CHEK2: variants seen among roughly 807,000 people sequenced by gnomAD.
CHEK2 encodes the protein checkpoint kinase 2, also known as serine/threonine-protein kinase Chk2.
In CHEK2, 71 loss-of-function variants were observed where a neutral mutation model predicts 69.1. The ratio of observed to expected loss-of-function variants is 1.03; its 90% CI spans 0.85 to 1.25. The LOEUF (loss-of-function observed/expected upper bound fraction) is 1.25. Among genes scored for constraint, CHEK2 ranks in the 50% most tolerant of loss-of-function variants. CHEK2 has a pLI of 0.00. For synonymous variants in CHEK2, 189 were observed against 226.9 expected (o/e 0.83, Z 1.50); for missense variants, 664 against 649.6 (o/e 1.02, Z -0.24).
intron 14 of CHEK2, 63 bp from the exon 15 acceptor site, chr22:28,688,049 A>C: frequency 7.8e-7 from 1 of 1,278,880 alleles, no homozygotes; most frequent in Non-Finnish European, 1.1e-6. Flanking sequence ...TAAGATTATC[A>C]AAGTTCCTCA....
At chr22:28,719,297 C>A in intron 5 of CHEK2, 98 bp downstream of exon 5, 1 of 631,608 alleles carries the variant, frequency 1.6e-6, no homozygotes. Context: ...CAAATGTTAT[C>A]AATACATAAT....
At chr22:28,727,077 T>G (rs2054036046) in intron 2 of CHEK2, among the ~76,000 whole-genome samples, 1 of 152,166 alleles carries the variant, frequency 6.6e-6, no homozygotes, top group Non-Finnish European at 1.5e-5. Flanking sequence ...AGTCTCGCTC[T>G]GTCGCCCAGG....
At chr22:28,718,858 T>A (rs1485079503) in intron 5 of CHEK2, among the ~76,000 whole-genome samples, 1 of 149,544 alleles carries the variant, frequency 6.7e-6, no homozygotes, top group Non-Finnish European at 1.5e-5. Context: ...CTCCAGCCTG[T>A]GCAACAGAGC....
intron 9 of CHEK2, 40 bp from the exon 10 acceptor site, chr22:28,697,027 T>A (rs576700526): frequency 7.9e-7 from 1 of 1,261,900 alleles, no homozygotes; most frequent in African/African-American, 1.5e-5. Context: ...ATTCATGCAG[T>A]AGATACTTAA....
chr22:28,695,041 A>G (rs2052506197), intron 12 of CHEK2, 86 bp downstream of exon 12: 8 of 817,916 alleles, frequency 9.8e-6, no homozygotes, highest in South Asian at 4.2e-5. Flanking sequence ...ACAGGAGAAA[A>G]CACCATGGAA....
chr22:28,694,561 T>C (rs754779687), intron 12 of CHEK2, among the ~76,000 whole-genome samples: 9 of 152,184 alleles, frequency 5.9e-5, no homozygotes, highest in Non-Finnish European at 1.3e-4. Flanking sequence ...AAGCAACAAA[T>C]GCACGCTGGC....
chr22:28,724,091 AT>A (rs1409264848), intron 4 of CHEK2, among the ~76,000 whole-genome samples: 1 of 152,196 alleles, frequency 6.6e-6, no homozygotes, highest in Non-Finnish European at 1.5e-5. Context: ...ACTATAACTT[AT>A]TTTAATCACC....
At position 28,696,993 on chromosome 22, in the gene CHEK2, C is replaced by T. The variant is rs775593362; in HGVS notation, c.1009-6G>A. 5.0e-6 allele frequency: 8 copies of T among 1,592,086 alleles called. No homozygotes were observed. Among genetic ancestry groups the T allele is most frequent in the South Asian group, 1.1e-5 (1 of 90,648 alleles). The stretch of plus-strand genomic sequence containing the variant: ...ATACCGTTTTCATGAAGGTACTACA[C>T]AGAAAGGCAGGCATGACCCTCAGAT... On this transcript the variant is annotated splice_polypyrimidine_tract_variant and splice_region_variant and intron_variant, in intron 9 of 14. Coordinates refer to ENST00000404276, the MANE Select transcript of CHEK2 (RefSeq NM_007194.4).
rs541168274 is a variant in CHEK2, at chr22:28,690,542, C to T, written c.1462-1327G>A. On this transcript the variant is annotated intron_variant, in intron 13 of 14. Transcript: ENST00000404276. The stretch of plus-strand genomic sequence containing the variant: ...ACTCAGGAGGCTGAGGCAGGAGAAT[C>T]GCTTGAACTCAAGAGGCGGAGGTTG... Among the ~76,000 whole-genome samples, 436 of 151,230 alleles carry T rather than the reference C, an allele frequency of 2.9e-3. 2 individuals are homozygous for T. Among genetic ancestry groups the T allele is most frequent in the African/African-American group, 9.8e-3 (403 of 41,172 alleles).
chr22:28,702,841 C>T (rs1475512179), intron 8 of CHEK2, among the ~76,000 whole-genome samples: 1 of 152,188 alleles, frequency 6.6e-6, no homozygotes, highest in Admixed American at 6.5e-5. Context: ...GCCACTGCAC[C>T]TGGCCCTGGA....
At chr22:28,720,311 G>C (rs1003488467) in intron 4 of CHEK2, among the ~76,000 whole-genome samples, 1 of 150,284 alleles carries the variant, frequency 6.7e-6, no homozygotes, top group African/African-American at 2.4e-5. Context: ...GGCTGATCTC[G>C]AACTCCTGAC....
chr22:28,699,606 G>A (rs1390575256), intron 9 of CHEK2, among the ~76,000 whole-genome samples: 14 of 151,426 alleles, frequency 9.2e-5, no homozygotes, highest in African/African-American at 2.9e-4. Flanking sequence ...CTCGTGATCC[G>A]CCCGCTTGGC....
intron 9 of CHEK2, among the ~76,000 whole-genome samples, chr22:28,698,326 T>C: frequency 6.7e-6 from 1 of 149,028 alleles, no homozygotes; most frequent in Non-Finnish European, 1.5e-5. Context: ...GAACCCGAGG[T>C]GGAGGTTGTA....
At chr22:28,738,476 C>A (rs1389708771) in intron 1 of CHEK2, among the ~76,000 whole-genome samples, 1 of 152,112 alleles carries the variant, frequency 6.6e-6, no homozygotes, top group South Asian at 2.1e-4. Flanking sequence ...CTTCTCTAAA[C>A]CTGTTTTCTC....
chr22:28,717,331 T>C (rs1331336911), intron 5 of CHEK2, among the ~76,000 whole-genome samples: 2 of 151,780 alleles, frequency 1.3e-5, no homozygotes, highest in Non-Finnish European at 2.9e-5. Flanking sequence ...TGAGCTGAGA[T>C]CGTGCCACTG....
At chr22:28,705,644 G>A (rs942955818) in intron 7 of CHEK2, among the ~76,000 whole-genome samples, 2 of 152,098 alleles carry the variant, frequency 1.3e-5, no homozygotes, top group Non-Finnish European at 2.9e-5. Flanking sequence ...AAAAGCAAGG[G>A]GCCGGGCGCA....
intron 4 of CHEK2, among the ~76,000 whole-genome samples, chr22:28,721,808 G>A (rs1412767320): frequency 6.6e-6 from 1 of 151,958 alleles, no homozygotes; most frequent in Non-Finnish European, 1.5e-5. Flanking sequence ...ATGGCTCACT[G>A]TAGCCTCGAC....
In CHEK2 at chr22:28,727,402, A is replaced by T. The variant is rs148547917; in HGVS notation, c.320-2035T>A. ...TTATCATAATGTTATCCTGTTTTAT[A>T]TCTTTTTGGGTATGGGCCACGGCTG... On this transcript the variant is annotated intron_variant, in intron 2 of 14. Coordinates refer to ENST00000404276, the MANE Select transcript of CHEK2 (RefSeq NM_007194.4). Among the ~76,000 whole-genome samples the T allele has an allele frequency of 7.4e-3, 1,133 of 152,178 alleles. 16 individuals are homozygous for T. Among genetic ancestry groups the T allele is most frequent in the African/African-American group, 0.026 (1,093 of 41,520 alleles).
In CHEK2 at chr22:28,734,417, C is replaced by T. The variant is rs1555932082; in HGVS notation, c.305G>A (p.Gly102Glu). The change falls in exon 2 of 15, where the codon GGA becomes GAA. Residue 102 changes from glycine to glutamate, a missense_variant. Transcript: ENST00000404276. The part of the protein sequence containing the change: ...PWARLWALQD[G>E]FANLECVNDN... The stretch of plus-strand genomic sequence containing the variant: ...AAGGGTCTTACCAAGATTGGCAAAT[C>T]CATCCTGAAGGGCCCATAATCGAGC... 1 of 1,613,908 alleles carries T rather than the reference C, an allele frequency of 6.2e-7. No individual in the cohort carries two copies. The highest frequency in any genetic ancestry group is 8.5e-7 in the Non-Finnish European group (1 of 1,179,892).
Sources: gnomAD v4.1 joint callset for allele counts (sites outside exome capture counted in the v4.1 genomes callset) on GRCh38, gnomAD v4.1.1 for gene constraint, MANE v1.5 for transcripts, NCBI Gene and HGNC (gene_info 2026-07-23, HGNC 2026-07-21) for gene names.